The following HSD17B14 variants were observed in gnomAD, a reference collection of about 807,000 sequenced individuals.
HSD17B14 encodes L-fucose dehydrogenase.
In HSD17B14, 32 loss-of-function variants were observed where a neutral mutation model predicts 32.2. The ratio of observed to expected loss-of-function variants is 0.99; its 90% CI spans 0.75 to 1.33. HSD17B14 has a LOEUF of 1.33. Ranked by LOEUF, HSD17B14 falls within the 40% of genes most tolerant of loss-of-function variation. HSD17B14 has a pLI of 0.00. For synonymous variants in HSD17B14, 140 were observed against 155.4 expected (o/e 0.90, Z 0.74); for missense variants, 370 against 366.5 (o/e 1.01, Z -0.08).
chr19:48,826,230 C>T (rs1471053723), intron 5 of HSD17B14, among the ~76,000 whole-genome samples: 5 of 151,650 alleles, frequency 3.3e-5, no homozygotes, highest in Admixed American at 2.6e-4. Flanking sequence ...TGGTGGCTTA[C>T]GCCTGTAATC....
chr19:48,830,619 C>G (rs1310971159), intron 5 of HSD17B14, among the ~76,000 whole-genome samples: 2 of 152,024 alleles, frequency 1.3e-5, no homozygotes, highest in African/African-American at 2.4e-5. Flanking sequence ...ATAACTCGCT[C>G]GGTTACAACA....
rs2035477334 is a variant in HSD17B14, at chr19:48,835,490, G to C, written c.127+315C>G. Among the ~76,000 whole-genome samples the C allele has an allele frequency of 1.4e-5, 2 of 148,052 alleles. 1 individual carries two copies. Among genetic ancestry groups the C allele is most frequent in the Non-Finnish European group, 3.0e-5 (2 of 66,960 alleles). Reference sequence around the variant, plus strand: ...CTGAGGGAAGAGGGGCTGGGAGCCTGGACCCCTGGGTCTGAAGGAGGAGGG... The same window carrying C: ...CTGAGGGAAGAGGGGCTGGGAGCCTCGACCCCTGGGTCTGAAGGAGGAGGG... On this transcript the variant is annotated intron_variant, in intron 2 of 8. Coordinates refer to ENST00000263278, the MANE Select transcript of HSD17B14 (RefSeq NM_016246.3).
At chr19:48,820,624 C>A (rs918953698) in intron 5 of HSD17B14, among the ~76,000 whole-genome samples, 2 of 150,794 alleles carry the variant, frequency 1.3e-5, no homozygotes, top group Non-Finnish European at 3.0e-5. Flanking sequence ...CTCCGCCTCC[C>A]AGGTTCAAGC....
At chr19:48,818,758 G>A (rs982238885) in intron 5 of HSD17B14, among the ~76,000 whole-genome samples, 6 of 152,014 alleles carry the variant, frequency 3.9e-5, no homozygotes, top group African/African-American at 7.2e-5. Context: ...TCAGTGCTTT[G>A]GGAGACTGAG....
chr19:48,815,476 A>C (rs2035035920), intron 5 of HSD17B14, among the ~76,000 whole-genome samples: 1 of 152,042 alleles, frequency 6.6e-6, no homozygotes, highest in Non-Finnish European at 1.5e-5. Flanking sequence ...AAGACAGGAA[A>C]ATGGATGAGA....
chr19:48,815,706 T>C (rs1016690279), intron 5 of HSD17B14, among the ~76,000 whole-genome samples: 1 of 151,870 alleles, frequency 6.6e-6, no homozygotes. Flanking sequence ...GAGGGGGAGA[T>C]GGTTTCTATG....
chr19:48,823,786 C>T (rs1179713139), intron 5 of HSD17B14, among the ~76,000 whole-genome samples: 13 of 150,792 alleles, frequency 8.6e-5, no homozygotes, highest in South Asian at 6.3e-4. Flanking sequence ...TACAGGTATG[C>T]GCCACCCTGC....
intron 4 of HSD17B14, 109 bp downstream of exon 4, chr19:48,832,557 G>T: frequency 1.0e-6 from 1 of 957,298 alleles, no homozygotes; most frequent in Non-Finnish European, 1.7e-6. Flanking sequence ...CTAGAAAGAG[G>T]TATGAGGCAG....
rs1174457208 is a variant in HSD17B14 at position 48,834,322 on chromosome 19, C to G, written c.164G>C (p.Gly55Ala). The G allele has an allele frequency of 1.2e-6, 2 of 1,613,926 alleles. No homozygotes were observed. The highest frequency in any genetic ancestry group is 1.7e-6 in the Non-Finnish European group (2 of 1,179,960). The change falls in exon 3 of 9, where the codon GGA becomes GCA. Residue 55 changes from glycine to alanine, a missense_variant. Physicochemically the swap from Gly to Ala is moderately conservative, Grantham distance 60. Transcript: ENST00000263278. ...GGRALEQELP[G>A]AVFILCDVTQ... The stretch of plus-strand genomic sequence containing the variant: ...CACATCACAGAGGATAAAGACAGCT[C>G]CAGGGAGCTCCTGCTCCAGGGCCCG...
intron 2 of HSD17B14, among the ~76,000 whole-genome samples, chr19:48,835,330 G>A (rs935173171): frequency 5.1e-4 from 54 of 105,752 alleles, no homozygotes; most frequent in African/African-American, 1.2e-3. Context: ...TGAGGGAGGA[G>A]GGGCTGGGAG....
chr19:48,813,606 C>T (rs1424435036), intron 7 of HSD17B14, 54 bp from the exon 8 acceptor site: 2 of 1,609,672 alleles, frequency 1.2e-6, no homozygotes, highest in Non-Finnish European at 1.7e-6. Flanking sequence ...CACTTGGGAT[C>T]ACTCCCAGTC....
chr19:48,833,892 A>C (rs1311175294), intron 3 of HSD17B14, among the ~76,000 whole-genome samples: 3 of 151,812 alleles, frequency 2.0e-5, no homozygotes, highest in African/African-American at 7.3e-5. Flanking sequence ...CGGGAGGCTG[A>C]GATAGGAGAA....
chr19:48,834,329 G>GCTC lies in HSD17B14; in HGVS notation c.154_156dup (p.Glu52dup). ...CAGAGGATAAAGACAGCTCCAGGGA[G>GCTC]CTCCTGCTCCAGGGCCCGGCCCCCA... On this transcript the variant is annotated inframe_insertion, in exon 3 of 9. Transcript: ENST00000263278. 6.2e-7 allele frequency: 1 copy of GCTC among 1,613,996 alleles called. No homozygotes were observed. Among genetic ancestry groups the GCTC allele is most frequent in the Non-Finnish European group, 8.5e-7 (1 of 1,179,912 alleles).
chr19:48,816,789 T>TTCTTTCTTTCTTTCTTTC (rs1197866988), intron 5 of HSD17B14, among the ~76,000 whole-genome samples: 2 of 105,186 alleles, frequency 1.9e-5, no homozygotes, highest in African/African-American at 4.3e-5. Flanking sequence ...TTTTCTTTCT[T>TTCTTTCTTTCTTTCTTTC]TCTTTCTTTC....
intron 5 of HSD17B14, among the ~76,000 whole-genome samples, chr19:48,828,549 T>A (rs1189034626): frequency 6.6e-6 from 1 of 152,104 alleles, no homozygotes; most frequent in Non-Finnish European, 1.5e-5. Flanking sequence ...GCCCAGGGGT[T>A]CGAGGCTGCT....
chr19:48,830,678 T>C (rs901476272), intron 5 of HSD17B14, among the ~76,000 whole-genome samples: 2 of 151,858 alleles, frequency 1.3e-5, no homozygotes, highest in African/African-American at 4.8e-5. Context: ...CGCACCACCA[T>C]GCTCAGGTAA....
At chr19:48,822,433 A>G (rs1202120907) in intron 5 of HSD17B14, among the ~76,000 whole-genome samples, 34 of 101,282 alleles carry the variant, frequency 3.4e-4, no homozygotes, top group Middle Eastern at 7.9e-3. Flanking sequence ...TGGTGATGGT[A>G]ATTGTAGTGA....
At chr19:48,834,516 GTA>G (rs2035430861) in intron 2 of HSD17B14, among the ~76,000 whole-genome samples, 158 bp from the exon 3 acceptor site, 1 of 89,352 alleles carries the variant, frequency 1.1e-5, no homozygotes, top group Non-Finnish European at 2.0e-5. Flanking sequence ...GTCTGAGGAA[GTA>G]GGGCCTGGGG....
chr19:48,814,928 C>T, intron 6 of HSD17B14, 109 bp downstream of exon 6: 1 of 754,860 alleles, frequency 1.3e-6, no homozygotes, highest in Non-Finnish European at 2.3e-6. Context: ...AGGTGTGAGA[C>T]TTTCTAGGGC....
Sources: allele counts gnomAD v4.1 joint callset (sites outside exome capture counted in the v4.1 genomes callset), GRCh38; gene constraint gnomAD v4.1.1; transcripts MANE v1.5; gene names NCBI Gene and HGNC (gene_info 2026-07-23, HGNC 2026-07-21).